The following TTC28 variants were observed in gnomAD, a reference collection of about 807,000 sequenced individuals.
The protein encoded by TTC28 is tetratricopeptide repeat protein 28.
TTC28 carries 61 observed loss-of-function variants against 198.0 expected under a neutral mutation model. The ratio of observed to expected loss-of-function variants is 0.31; its 90% confidence interval spans 0.25 to 0.38. The LOEUF (loss-of-function observed/expected upper bound fraction) is 0.38. TTC28 is among the 10% of genes least tolerant of loss of function. The probability of loss-of-function intolerance (pLI) is 1.00; values close to 1 mark genes in which losing one functional copy is unlikely to be tolerated. For synonymous variants in TTC28, 1,171 were observed against 1,297.8 expected (o/e 0.90, Z 2.10); for missense variants, 2,678 against 3,164.0 (o/e 0.85, Z 3.69).
chr22:28,590,061 A>AAAAAAAAAAAAAAAAAC (rs1555898135), intron 2 of TTC28, among the ~76,000 whole-genome samples: 1 of 142,380 alleles, frequency 7.0e-6, no homozygotes, highest in Non-Finnish European at 1.6e-5. Context: ...AAAAAAAAAA[A>AAAAAAAAAAAAAAAAAC]ACACAGAAAA....
chr22:28,311,757 CATTCTAT>C (rs1272261494), intron 2 of TTC28, among the ~76,000 whole-genome samples: 2 of 151,976 alleles, frequency 1.3e-5, no homozygotes, highest in African/African-American at 4.8e-5. Flanking sequence ...AGATCTTATT[CATTCTAT>C]ATAACTATAT....
chr22:28,191,466 G>A (rs183593543), intron 5 of TTC28, among the ~76,000 whole-genome samples: 22 of 152,344 alleles, frequency 1.4e-4, no homozygotes, highest in Admixed American at 3.9e-4. Context: ...GCAGCGCACC[G>A]AGCGTAAGCG....
intron 2 of TTC28, among the ~76,000 whole-genome samples, chr22:28,509,779 C>A (rs575484064): frequency 6.7e-6 from 1 of 149,616 alleles, no homozygotes; most frequent in African/African-American, 2.5e-5. Flanking sequence ...AATAGATGAC[C>A]GAAAGCTAGA....
intron 6 of TTC28, among the ~76,000 whole-genome samples, chr22:28,141,472 C>T (rs929708630): frequency 6.6e-6 from 1 of 152,048 alleles, no homozygotes; most frequent in African/African-American, 2.4e-5. Context: ...TTTTTCATTA[C>T]GTCTCACTGA....
In TTC28 at chr22:28,439,032, T is replaced by C. The variant is rs895692580; in HGVS notation, c.382-132389A>G. Among the ~76,000 whole-genome samples the C allele has an allele frequency of 7.2e-5, 11 of 152,326 alleles. No homozygotes were observed. The East Asian group carries it at 2.1e-3, about 29-fold the overall frequency. On this transcript the variant is annotated intron_variant, in intron 2 of 22. Coordinates refer to ENST00000397906, the MANE Select transcript of TTC28 (RefSeq NM_001145418.2). ...AACAATCCACTACAGTCTGCATCTA[T>C]GAATCAACTGAAATATAAGAAAGCC... is the stretch of plus-strand genomic sequence containing the variant.
At chr22:28,165,413 A>T (rs1251895988) in intron 5 of TTC28, among the ~76,000 whole-genome samples, 1 of 152,054 alleles carries the variant, frequency 6.6e-6, no homozygotes, top group Admixed American at 6.6e-5. Context: ...AAAAAATGTT[A>T]AGAGCAGCCA....
At chr22:28,205,551 CAT>C (rs1368560539) in intron 5 of TTC28, among the ~76,000 whole-genome samples, 4 of 152,002 alleles carry the variant, frequency 2.6e-5, no homozygotes, top group Non-Finnish European at 5.9e-5. Flanking sequence ...ATGAGATTAA[CAT>C]AGAAAAATGT....
chr22:28,485,357 A>G (rs376403013), intron 2 of TTC28, among the ~76,000 whole-genome samples: 3 of 152,326 alleles, frequency 2.0e-5, no homozygotes, highest in African/African-American at 7.2e-5. Flanking sequence ...AATCTATAAC[A>G]GTGACTTTAT....
chr22:28,389,881 C>T (rs2046685707), intron 2 of TTC28, among the ~76,000 whole-genome samples: 1 of 151,856 alleles, frequency 6.6e-6, no homozygotes, highest in African/African-American at 2.4e-5. Flanking sequence ...TTGCCTTCTG[C>T]TAGCTTTTGA....
At chr22:28,123,274 G>C (rs1170242859) in intron 6 of TTC28, among the ~76,000 whole-genome samples, 4 of 150,104 alleles carry the variant, frequency 2.7e-5, no homozygotes, top group Non-Finnish European at 5.9e-5. Context: ...GTTTGTTTTT[G>C]AGATGGAGTC....
In TTC28 at chr22:28,107,657, T is replaced by C. The variant is rs1942352603; in HGVS notation, c.2188A>G (p.Ile730Val). Residue 730 changes from isoleucine to valine, a missense_variant, in exon 7 of 23, where the codon ATA becomes GTA. Ile to Val is a conservative substitution (Grantham distance 29). This residue lies in a region of TTC28 where 775 missense variants were observed against 845.9 expected (regional missense o/e 0.92). Coordinates refer to ENST00000397906, the MANE Select transcript of TTC28 (RefSeq NM_001145418.2). ...LGDIFICKKD[I>V]NGAIKFYEQQ... ...TCATAGAATTTTATTGCACCATTTA[T>C]ATCTTTTTTACAGATGAATATATCG... 3 of 1,551,792 alleles carry C rather than the reference T, an allele frequency of 1.9e-6. No homozygotes were observed. In the South Asian group the frequency reaches 3.6e-5, roughly 18 times the overall value.
intron 2 of TTC28, among the ~76,000 whole-genome samples, chr22:28,568,487 A>G (rs2050014459): frequency 6.6e-6 from 1 of 152,204 alleles, no homozygotes; most frequent in Non-Finnish European, 1.5e-5. Flanking sequence ...AAAGGCTCCT[A>G]GATCTGATAA....
chr22:27,994,858 C>T (rs1016540141), intron 17 of TTC28, among the ~76,000 whole-genome samples: 4 of 152,098 alleles, frequency 2.6e-5, no homozygotes, highest in African/African-American at 4.8e-5. Context: ...GCAGCAAGGA[C>T]GGAGGGACTT....
chr22:28,334,604 G>A (rs1274722109), intron 2 of TTC28, among the ~76,000 whole-genome samples: 1 of 152,220 alleles, frequency 6.6e-6, no homozygotes, highest in African/African-American at 2.4e-5. Flanking sequence ...GATGGCCAGT[G>A]ATGGTGAGCA....
At chr22:28,384,386 G>C (rs766556226) in intron 2 of TTC28, among the ~76,000 whole-genome samples, 1 of 152,010 alleles carries the variant, frequency 6.6e-6, no homozygotes, top group African/African-American at 2.4e-5. Flanking sequence ...TGGTACCTAA[G>C]CCCTTCATCA....
intron 5 of TTC28, among the ~76,000 whole-genome samples, chr22:28,191,797 C>G (rs1240554755): frequency 2.6e-5 from 4 of 152,294 alleles, no homozygotes; most frequent in East Asian, 1.9e-4. Flanking sequence ...CCAGGAAGCT[C>G]GAACTGGGTG....
rs1937705169 is a variant in TTC28, at chr22:28,001,742, T to C, written c.4219-189A>G. ...GAGCGGCACCAACTGGCATGCTCGC[T>C]TGTGGACTGGCAAGGGCTGGCCTGG... is the stretch of plus-strand genomic sequence containing the variant. On this transcript the variant is annotated intron_variant, in intron 14 of 22. Coordinates refer to ENST00000397906, the MANE Select transcript of TTC28 (RefSeq NM_001145418.2). 1.1e-5 allele frequency: 7 copies of C among 641,004 alleles called. No homozygotes were observed. The Admixed American group carries it at 2.0e-4, about 19-fold the overall frequency. The allele number at this position is 641,004 out of a possible 1,614,324, so 39.7% of individuals were successfully genotyped here. A position where few individuals can be genotyped will look rare whatever the true frequency, so the allele number is the denominator to read the frequency against.
chr22:28,485,045 C>T (rs2048299380), intron 2 of TTC28, among the ~76,000 whole-genome samples: 1 of 152,114 alleles, frequency 6.6e-6, no homozygotes, highest in Non-Finnish European at 1.5e-5. Flanking sequence ...TAAAGGTTAC[C>T]ATCCCTTCAA....
chr22:28,358,217 A>G (rs2145951869), intron 2 of TTC28, among the ~76,000 whole-genome samples: 2 of 152,306 alleles, frequency 1.3e-5, no homozygotes, highest in South Asian at 4.1e-4. Context: ...TGTTACAACC[A>G]TCCACAGCAC....
Sources: allele counts gnomAD v4.1 joint callset (sites outside exome capture counted in the v4.1 genomes callset), GRCh38; gene constraint gnomAD v4.1.1; regional missense constraint gnomAD v4.1.1; transcripts MANE v1.5; gene names NCBI Gene and HGNC (gene_info 2026-07-23, HGNC 2026-07-21).